Variants in KCNN2 observed in about 807,000 individuals in gnomAD.
KCNN2 encodes the protein potassium calcium-activated channel subfamily N member 2.
A neutral mutation model predicts 55.5 loss-of-function variants in KCNN2; 24 were observed. That is an observed-to-expected ratio of 0.43 (90% confidence interval 0.31 to 0.61). The LOEUF (loss-of-function observed/expected upper bound fraction) is 0.61. Among genes scored for constraint, KCNN2 ranks in the 20% least tolerant of loss-of-function variants. The pLI, the probability that KCNN2 is intolerant of heterozygous loss-of-function variation, is 0.08. For synonymous variants in KCNN2, 431 were observed against 336.1 expected (o/e 1.28, Z -3.09); for missense variants, 754 against 853.6 (o/e 0.88, Z 1.45).
rs1310660314 is a variant in KCNN2, at chr5:114,486,772, AT to A, written c.1891-277del. The A allele has an allele frequency of 8.4e-6, 11 of 1,312,038 alleles. No individual in the cohort carries two copies. In the African/African-American group the frequency reaches 9.0e-5, roughly 11 times the overall value. The allele number at this position is 1,312,038 out of a possible 1,614,324, so 81.3% of individuals were successfully genotyped here. On this transcript the variant is annotated intron_variant, in intron 5 of 7. Coordinates refer to ENST00000673685, the MANE Select transcript of KCNN2 (RefSeq NM_021614.4). Reference sequence around the variant, plus strand: ...AACACCCCTTGATTAAAAAAAAAAAATAGTTGAATAAAAAAGAAGTTTCCTG... The same window carrying A: ...AACACCCCTTGATTAAAAAAAAAAAAAGTTGAATAAAAAAGAAGTTTCCTG...
At chr5:114,318,559 T>C (rs1756547942) in intron 2 of KCNN2, among the ~76,000 whole-genome samples, 1 of 151,534 alleles carries the variant, frequency 6.6e-6, no homozygotes, top group Non-Finnish European at 1.5e-5. Context: ...ATCATAACAA[T>C]GATAATATCA....
chr5:114,496,106 C>G lies in KCNN2; in HGVS notation c.2300C>G (p.Ala767Gly), dbSNP rs1288246823. 1.9e-6 allele frequency: 3 copies of G among 1,614,050 alleles called. No individual in the cohort carries two copies. The highest frequency in any genetic ancestry group is 3.3e-5 in the Admixed American group (2 of 60,018). Residue 767 changes from alanine to glycine, a missense_variant, in exon 8 of 8, where the codon GCT becomes GGT. By Grantham distance (60) the Ala-to-Gly change is moderately conservative. This residue lies in a region of KCNN2 where 164 missense variants were observed against 156.6 expected (regional missense o/e 1.05). Coordinates refer to ENST00000673685, the MANE Select transcript of KCNN2 (RefSeq NM_021614.4). Reference sequence around the variant, plus strand: ...TACGACAAGCACGTCACTTACAATGCTGAGCGGTCCCGGTCCTCGTCCAGG... The same window carrying G: ...TACGACAAGCACGTCACTTACAATGGTGAGCGGTCCCGGTCCTCGTCCAGG... ...ESYDKHVTYN[A>G]ERSRSSSRRR...
chr5:114,278,491 T>C (rs1409982472), intron 2 of KCNN2, among the ~76,000 whole-genome samples: 1 of 152,236 alleles, frequency 6.6e-6, no homozygotes, highest in African/African-American at 2.4e-5. Flanking sequence ...CTTGCTGAGC[T>C]GCAGTGGGCT....
intron 1 of KCNN2, among the ~76,000 whole-genome samples, chr5:114,097,560 G>A (rs899584523): frequency 6.6e-6 from 1 of 151,970 alleles, no homozygotes; most frequent in Non-Finnish European, 1.5e-5. Flanking sequence ...TTAAAATGCT[G>A]TCTCTCGCCA....
rs1389547051 is a variant in KCNN2 at position 114,421,312 on chromosome 5, A to T, written c.1637+16456A>T. Among the ~76,000 whole-genome samples, 3 of 151,808 alleles carry T rather than the reference A, an allele frequency of 2.0e-5. No homozygotes were observed. In the East Asian group the frequency reaches 5.8e-4, roughly 29 times the overall value. The stretch of plus-strand genomic sequence containing the variant: ...ATTTTATTTTTTAAACATTTTTGAG[A>T]CAGAGTCTCGCTCTGTGGCCCAAGC... On this transcript the variant is annotated intron_variant, in intron 3 of 7. Transcript: ENST00000673685.
At chr5:114,324,640 C>T (rs745793731) in intron 2 of KCNN2, among the ~76,000 whole-genome samples, 5 of 152,118 alleles carry the variant, frequency 3.3e-5, no homozygotes, top group South Asian at 2.1e-4. Context: ...AAGAAAGTAA[C>T]GTTGTTTTAA....
chr5:114,420,759 A>G (rs754645884), intron 3 of KCNN2, among the ~76,000 whole-genome samples: 3 of 152,232 alleles, frequency 2.0e-5, no homozygotes, highest in Non-Finnish European at 2.9e-5. Flanking sequence ...TAGAACTTTA[A>G]TGGCATGATA....
intron 2 of KCNN2, among the ~76,000 whole-genome samples, chr5:114,389,991 C>T (rs919410231): frequency 6.6e-6 from 1 of 152,142 alleles, no homozygotes; most frequent in Non-Finnish European, 1.5e-5. Context: ...ACACTGTGAC[C>T]ATGACCAAAT....
chr5:114,379,198 T>C (rs541105616), intron 2 of KCNN2, among the ~76,000 whole-genome samples: 1 of 151,986 alleles, frequency 6.6e-6, no homozygotes, highest in South Asian at 2.1e-4. Context: ...ACTGTCCACC[T>C]GGGGCCCCAG....
At chr5:114,142,868 T>A (rs1377552766) in intron 1 of KCNN2, among the ~76,000 whole-genome samples, 1 of 152,126 alleles carries the variant, frequency 6.6e-6, no homozygotes, top group African/African-American at 2.4e-5. Context: ...AAAACTACTT[T>A]AAAGTTCATA....
chr5:114,364,325 C>T (rs972967636), intron 2 of KCNN2, among the ~76,000 whole-genome samples: 3 of 152,154 alleles, frequency 2.0e-5, no homozygotes, highest in African/African-American at 4.8e-5. Flanking sequence ...TAGTTTTAAT[C>T]TGGAATGAAC....
chr5:114,077,964 C>G (rs1316397626), intron 1 of KCNN2, among the ~76,000 whole-genome samples: 1 of 152,000 alleles, frequency 6.6e-6, no homozygotes. Context: ...TGAAATATTC[C>G]CAAGCTTTTC....
chr5:114,496,056 T>C lies in KCNN2; in HGVS notation c.2250T>C (p.Asp750=). The C allele has an allele frequency of 2.5e-6, 4 of 1,613,946 alleles. No homozygotes were observed. Among genetic ancestry groups the C allele is most frequent in the Non-Finnish European group, 3.4e-6 (4 of 1,179,964 alleles). Residue 750 remains aspartate, a synonymous_variant, in exon 8 of 8, where the codon GAT becomes GAC. Transcript: ENST00000673685. ...AGACCATCAGGCAGCAGCAGAGAGA[T>C]TTCATTGAGGCTCAGATGGAGAGCT... ...ISQTIRQQQR[D]FIEAQMESYD... is the part of the protein sequence containing the mutation.
chr5:114,375,374 G>A (rs1257713362), intron 2 of KCNN2, among the ~76,000 whole-genome samples: 1 of 152,106 alleles, frequency 6.6e-6, no homozygotes, highest in Non-Finnish European at 1.5e-5. Context: ...ATACTTTTAG[G>A]TAGGTACCCA....
intron 1 of KCNN2, among the ~76,000 whole-genome samples, chr5:114,138,218 T>C (rs1752209559): frequency 6.6e-6 from 1 of 152,180 alleles, no homozygotes. Flanking sequence ...ATCTTCTTAA[T>C]GTACTTTAGG....
Position 114,093,986 on chromosome 5 carries a change from T to G in KCNN2, c.-271+37486T>G, listed in dbSNP as rs530854656. Among the ~76,000 whole-genome samples, 4 of 152,308 alleles carry G rather than the reference T, an allele frequency of 2.6e-5. No individual in the cohort carries two copies. In the South Asian group the frequency reaches 6.2e-4, roughly 24 times the overall value. ...GTTAAGGAACCAATCTATGTATATA[T>G]AGTGTGGGAGACTTGATTAAAACCT... is the stretch of plus-strand genomic sequence containing the variant. On this transcript the variant is annotated intron_variant, in intron 1 of 10. Transcript: ENST00000512097.
rs1218160989 is a variant in KCNN2, at chr5:114,363,156, G to T, written c.1017G>T (p.Leu339=). 1 of 1,613,448 alleles carries T rather than the reference G, an allele frequency of 6.2e-7. No homozygotes were observed. Among genetic ancestry groups the T allele is most frequent in the Admixed American group, 1.7e-5 (1 of 60,004 alleles). Residue 339 remains leucine, a synonymous_variant, in exon 1 of 8, where the codon CTG becomes CTT. Transcript: ENST00000673685. ...IGYKLGHRRA[L]FEKRKRLSDY... is the part of the protein sequence containing the mutation. Reference sequence around the variant, plus strand: ...ACAAGCTGGGCCACCGGCGCGCCCTGTTCGAAAAGCGCAAGCGGCTCAGCG... The same window carrying T: ...ACAAGCTGGGCCACCGGCGCGCCCTTTTCGAAAAGCGCAAGCGGCTCAGCG...
chr5:114,201,832 C>T (rs1290511820), intron 1 of KCNN2, among the ~76,000 whole-genome samples: 1 of 151,572 alleles, frequency 6.6e-6, no homozygotes, highest in Non-Finnish European at 1.5e-5. Flanking sequence ...GCCTGGTTTC[C>T]CTGTCTGTCC....
chr5:114,454,242 T>C (rs1196582141), intron 3 of KCNN2, among the ~76,000 whole-genome samples: 1 of 152,188 alleles, frequency 6.6e-6, no homozygotes, highest in East Asian at 1.9e-4. Flanking sequence ...CCCTCATCAC[T>C]CTACATCATC....
Sources: gnomAD v4.1 joint callset for allele counts (sites outside exome capture counted in the v4.1 genomes callset) on GRCh38, gnomAD v4.1.1 for gene constraint, gnomAD v4.1.1 regional missense constraint, MANE v1.5 for transcripts, NCBI Gene and HGNC (gene_info 2026-07-23, HGNC 2026-07-21) for gene names.